The following TRIQK variants were observed in gnomAD, a reference collection of about 807,000 sequenced individuals.
TRIQK encodes the protein triple QxxK/R motif-containing protein.
TRIQK carries 10 observed loss-of-function variants against 10.8 expected under a neutral mutation model. The ratio of observed to expected loss-of-function variants is 0.92; its 90% confidence interval spans 0.57 to 1.57. The LOEUF (loss-of-function observed/expected upper bound fraction) is 1.57, where lower values mean the gene tolerates loss of function less well. Among genes scored for constraint, TRIQK ranks in the 40% most tolerant of loss-of-function variants. The pLI, the probability that TRIQK is intolerant of heterozygous loss-of-function variation, is 0.00. For missense variants in TRIQK, 107 were observed against 97.7 expected, an observed-to-expected ratio of 1.09 and a Z score of -0.40; for synonymous variants, 33 against 33.7, an observed-to-expected ratio of 0.98 and a Z score of 0.07.
chr8:92,959,480 T>TAC (rs34816958), intron 1 of TRIQK, among the ~76,000 whole-genome samples: 3,591 of 143,672 alleles, frequency 0.025, 68 homozygotes, highest in East Asian at 0.078. Context: ...TATATATGCA[T>TAC]ACACACACAC....
rs1812075290 is a variant in TRIQK, at chr8:92,954,542, A to G, written c.-158T>C. On this transcript the variant is annotated 5_prime_UTR_variant, in exon 2 of 5. Transcript: ENST00000521988. ...AAATTCAATTCCAAATACCAAAAATAATATTCTTGGTGATTTTTCTTACTG... is the reference window on the plus strand; with the variant it reads ...AAATTCAATTCCAAATACCAAAAATGATATTCTTGGTGATTTTTCTTACTG... 1 of 151,910 alleles carries G rather than the reference A, an allele frequency of 6.6e-6. No homozygotes were observed. 9.4% of individuals were successfully genotyped at this position (151,910 alleles called of 1,614,324 possible). A position where few individuals can be genotyped will look rare whatever the true frequency, so the allele number is the denominator to read the frequency against.
intron 1 of TRIQK, chr8:92,974,161 G>C (rs1812905566): frequency 6.6e-6 from 1 of 152,276 alleles, no homozygotes; most frequent in Non-Finnish European, 1.5e-5. Flanking sequence ...GCCTGAAACA[G>C]GTGCACTTCC....
intron 2 of TRIQK, among the ~76,000 whole-genome samples, chr8:92,934,211 T>C (rs1283617052): frequency 6.6e-6 from 1 of 151,918 alleles, no homozygotes; most frequent in Non-Finnish European, 1.5e-5. Flanking sequence ...GCATAAAACC[T>C]TAGCCACATC....
At chr8:93,006,571 C>A (rs867924448) in intron 1 of TRIQK, among the ~76,000 whole-genome samples, 3 of 152,088 alleles carry the variant, frequency 2.0e-5, no homozygotes, top group Non-Finnish European at 4.4e-5. Context: ...GAGCAGCCAT[C>A]ATCACTGAGG....
chr8:92,956,363 A>G (rs1812172065), intron 1 of TRIQK, among the ~76,000 whole-genome samples: 1 of 151,754 alleles, frequency 6.6e-6, no homozygotes, highest in Non-Finnish European at 1.5e-5. Flanking sequence ...AAGAAAATAG[A>G]TTAGTGGTTG....
Position 92,886,685 on chromosome 8 carries a change from A to G in TRIQK, c.198T>C (p.Tyr66=). Residue 66 remains tyrosine (Y), a synonymous_variant, in exon 5 of 5, where the codon TAT becomes TAC. Transcript: ENST00000521988. ...TGGTGAGTCTGAGATAAAAGAAAGC[A>G]TAGAAAGCCAGTAGTAGTGCCAATA... is the stretch of plus-strand genomic sequence containing the variant. ...AAILALLLAF[Y]AFFYLRLTTD... 6.5e-7 allele frequency: 1 copy of G among 1,532,850 alleles called. No individual in the cohort carries two copies. The highest frequency in any genetic ancestry group is 1.2e-5 in the South Asian group (1 of 83,866). The allele number at this position is 1,532,850 out of a possible 1,614,324, so 95.0% of individuals were successfully genotyped here. A position where few individuals can be genotyped will look rare whatever the true frequency, so the allele number is the denominator to read the frequency against.
At position 92,904,970 on chromosome 8, in the gene TRIQK, T is replaced by C. The variant is rs1388741328; in HGVS notation, c.61+11959A>G. Among the ~76,000 whole-genome samples the C allele has an allele frequency of 2.6e-5, 4 of 152,188 alleles. No individual in the cohort carries two copies. In the South Asian group the frequency reaches 8.3e-4, roughly 32 times the overall value. On this transcript the variant is annotated intron_variant, in intron 3 of 4. Coordinates refer to ENST00000521988, the MANE Select transcript of TRIQK (RefSeq NM_001171797.2). ...TTACCATTACCATCACCAGCAAGCA[T>C]GGTGCAAAGGCTCAACTTCTTAAAA... is the stretch of plus-strand genomic sequence containing the variant.
At chr8:92,989,287 A>G (rs1384029544) in intron 1 of TRIQK, among the ~76,000 whole-genome samples, 1 of 152,198 alleles carries the variant, frequency 6.6e-6, no homozygotes, top group African/African-American at 2.4e-5. Flanking sequence ...AATCAAAACC[A>G]TTTAAGCAGG....
intron 1 of TRIQK, among the ~76,000 whole-genome samples, chr8:92,985,397 A>ACT (rs1406476960): frequency 6.6e-6 from 1 of 152,074 alleles, no homozygotes; most frequent in East Asian, 1.9e-4. Flanking sequence ...GATTCCACCC[A>ACT]CTGTTTCTTC....
intron 1 of TRIQK, chr8:92,974,516 A>C (rs999707898): frequency 2.6e-5 from 4 of 152,226 alleles, no homozygotes; most frequent in African/African-American, 9.6e-5. Context: ...TCATTATTCT[A>C]TAGATGGTGT....
Position 92,949,567 on chromosome 8 carries a change from A to G in TRIQK, c.-22+4839T>C, listed in dbSNP as rs914558237. ...AGGAAGGAAGGAAGGAAGGAAAGGG[A>G]AGGAAAGAAAGAAAGAGATGGAAAG... On this transcript the variant is annotated intron_variant, in intron 2 of 4. Coordinates refer to ENST00000521988, the MANE Select transcript of TRIQK (RefSeq NM_001171797.2). Among the ~76,000 whole-genome samples, 45 of 150,676 alleles carry G rather than the reference A, an allele frequency of 3.0e-4. 1 individual carries two copies. Among genetic ancestry groups the G allele is most frequent in the African/African-American group, 1.0e-3 (43 of 41,000 alleles).
At chr8:92,908,908 C>T (rs1227505928) in intron 3 of TRIQK, among the ~76,000 whole-genome samples, 1 of 151,922 alleles carries the variant, frequency 6.6e-6, no homozygotes, top group Non-Finnish European at 1.5e-5. Flanking sequence ...GAATAAATCT[C>T]ACCAAATGCT....
chr8:92,889,625 G>A (rs1206429758), intron 4 of TRIQK, among the ~76,000 whole-genome samples: 1 of 151,510 alleles, frequency 6.6e-6, no homozygotes, highest in Non-Finnish European at 1.5e-5. Flanking sequence ...TACACAAACT[G>A]GGAATGGCTA....
intron 2 of TRIQK, among the ~76,000 whole-genome samples, chr8:92,933,690 G>A (rs1050645272): frequency 1.3e-5 from 2 of 152,030 alleles, no homozygotes; most frequent in East Asian, 1.9e-4. Context: ...GCCACATACT[G>A]TATGTTTACA....
chr8:92,928,858 A>G (rs910025612), intron 2 of TRIQK, among the ~76,000 whole-genome samples: 3 of 152,184 alleles, frequency 2.0e-5, no homozygotes, highest in Non-Finnish European at 4.4e-5. Flanking sequence ...TAGTGCAGTG[A>G]GGTAACCAAA....
chr8:93,001,829 A>G (rs2130757288), intron 1 of TRIQK, among the ~76,000 whole-genome samples: 1 of 152,332 alleles, frequency 6.6e-6, no homozygotes, highest in Non-Finnish European at 1.5e-5. Context: ...GCTACAGAAT[A>G]CACATTCTTC....
upstream of TRIQK, among the ~76,000 whole-genome samples, chr8:92,969,844 C>T (rs527700462): frequency 6.6e-6 from 1 of 152,076 alleles, no homozygotes; most frequent in East Asian, 1.9e-4. Flanking sequence ...GTTTGTTACA[C>T]AGGTAAACTT....
At chr8:92,991,081 T>TATTA (rs1813092277) in intron 1 of TRIQK, among the ~76,000 whole-genome samples, 1 of 152,080 alleles carries the variant, frequency 6.6e-6, no homozygotes, top group Admixed American at 6.5e-5. Flanking sequence ...GGAGGTCCAC[T>TATTA]ATTACTAAGG....
chr8:92,920,090 GA>G (rs1810094944), intron 2 of TRIQK, among the ~76,000 whole-genome samples: 1 of 151,166 alleles, frequency 6.6e-6, no homozygotes, highest in African/African-American at 2.4e-5. Flanking sequence ...TTGTTTTGTT[GA>G]TTTTTTTTGT....
Sources: gnomAD v4.1 joint callset for allele counts (sites outside exome capture counted in the v4.1 genomes callset) on GRCh38, gnomAD v4.1.1 for gene constraint, MANE v1.5 for transcripts, NCBI Gene and HGNC (gene_info 2026-07-23, HGNC 2026-07-21) for gene names.